ITGA9: variants seen among roughly 807,000 people sequenced by gnomAD.
ITGA9 encodes the protein integrin subunit alpha 9.
Under a neutral mutation model 127.8 loss-of-function variants are expected in ITGA9, and 56 were observed. The ratio of observed to expected loss-of-function variants is 0.44; its 90% CI spans 0.35 to 0.55. The LOEUF is 0.55. ITGA9 is among the 20% of genes least tolerant of loss of function. ITGA9 has a pLI of 0.00. For synonymous variants in ITGA9, 508 were observed against 514.5 expected (o/e 0.99, Z 0.17); for missense variants, 1,196 against 1,347.1 (o/e 0.89, Z 1.76).
chr3:37,706,798 C>T lies in ITGA9; in HGVS notation c.2067+22783C>T, dbSNP rs578170086. 2.0e-5 allele frequency among the ~76,000 whole-genome samples: 3 copies of T among 152,224 alleles called. No individual in the cohort carries two copies. The South Asian group carries it at 6.2e-4, about 32-fold the overall frequency. On this transcript the variant is annotated intron_variant, in intron 18 of 27. Transcript: ENST00000264741. Reference sequence around the variant, plus strand: ...CTGACCCTGATCTCGGAACAGGATCCCAGAACAGTTCAACCTGTAATTGCT... The same window carrying T: ...CTGACCCTGATCTCGGAACAGGATCTCAGAACAGTTCAACCTGTAATTGCT...
chr3:37,541,169 C>T (rs1042813838), intron 14 of ITGA9, among the ~76,000 whole-genome samples: 8 of 152,196 alleles, frequency 5.3e-5, no homozygotes, highest in Non-Finnish European at 8.8e-5. Context: ...ACTTAAATGC[C>T]AGTGGGCTCG....
chr3:37,627,144 T>C (rs1700183358), intron 15 of ITGA9, among the ~76,000 whole-genome samples: 1 of 152,168 alleles, frequency 6.6e-6, no homozygotes, highest in South Asian at 2.1e-4. Flanking sequence ...AAGGCTCCCC[T>C]ATCACTCTCT....
intron 14 of ITGA9, among the ~76,000 whole-genome samples, chr3:37,534,947 G>A (rs929148702): frequency 4.7e-4 from 71 of 152,328 alleles, no homozygotes; most frequent in Admixed American, 3.6e-3. Flanking sequence ...TCTGGGACTC[G>A]TGTGTCCTCC....
intron 5 of ITGA9, among the ~76,000 whole-genome samples, chr3:37,495,612 T>C (rs750121675): frequency 7.9e-5 from 12 of 152,200 alleles, no homozygotes; most frequent in Non-Finnish European, 1.8e-4. Context: ...ATTATCACCA[T>C]CATGCTTCTA....
chr3:37,746,178 A>G (rs925688819), intron 22 of ITGA9, among the ~76,000 whole-genome samples: 2 of 152,244 alleles, frequency 1.3e-5, no homozygotes, highest in Non-Finnish European at 2.9e-5. Context: ...AAATGTTTCT[A>G]TATTTCCTTA....
intron 15 of ITGA9, among the ~76,000 whole-genome samples, chr3:37,578,091 A>G (rs183161271): frequency 6.6e-6 from 1 of 152,220 alleles, no homozygotes; most frequent in African/African-American, 2.4e-5. Context: ...TTTTAGTTCT[A>G]GAAAGAATTG....
intron 1 of ITGA9, among the ~76,000 whole-genome samples, chr3:37,467,468 G>A (rs144838146): frequency 2.0e-3 from 301 of 152,268 alleles, no homozygotes; most frequent in African/African-American, 7.0e-3. Flanking sequence ...CTGGGAATAA[G>A]CTCTCCAGGG....
At chr3:37,525,993 AGTTTCT>A (rs1197271707) in intron 12 of ITGA9, 27 bp from the exon 13 acceptor site, 1 of 1,608,420 alleles carries the variant, frequency 6.2e-7, no homozygotes, top group Non-Finnish European at 8.5e-7. Flanking sequence ...GGCTTCAGCA[AGTTTCT>A]GAACGCTGTA....
At chr3:37,697,841 T>G (rs1700901882) in intron 18 of ITGA9, among the ~76,000 whole-genome samples, 1 of 152,244 alleles carries the variant, frequency 6.6e-6, no homozygotes, top group Admixed American at 6.5e-5. Flanking sequence ...ATCCTTTGGG[T>G]ATACACCCAA....
chr3:37,467,075 C>G (rs998625799), intron 1 of ITGA9, among the ~76,000 whole-genome samples: 2 of 152,156 alleles, frequency 1.3e-5, no homozygotes, highest in Non-Finnish European at 2.9e-5. Context: ...CATGGGCTGG[C>G]CTGCGGTAGT....
intron 18 of ITGA9, among the ~76,000 whole-genome samples, chr3:37,714,451 G>A (rs1240086442): frequency 6.6e-6 from 1 of 152,152 alleles, no homozygotes; most frequent in East Asian, 1.9e-4. Flanking sequence ...CACAGGTCAG[G>A]GGCAACGGGC....
intron 23 of ITGA9, among the ~76,000 whole-genome samples, chr3:37,761,656 A>G (rs568165603): frequency 3.3e-5 from 5 of 152,226 alleles, no homozygotes; most frequent in Non-Finnish European, 7.3e-5. Context: ...GGGAAGGCCA[A>G]GGTAAATTGG....
chr3:37,779,001 G>C (rs965131537), intron 24 of ITGA9, among the ~76,000 whole-genome samples: 1 of 151,064 alleles, frequency 6.6e-6, no homozygotes, highest in Non-Finnish European at 1.5e-5. Flanking sequence ...AAATTTTGCC[G>C]TATAGATGAA....
At position 37,635,930 on chromosome 3, in the gene ITGA9, T is replaced by C. The variant is rs376722453; in HGVS notation, c.1839+6594T>C. On this transcript the variant is annotated intron_variant, in intron 16 of 27. Coordinates refer to ENST00000264741, the MANE Select transcript of ITGA9 (RefSeq NM_002207.3). Reference sequence around the variant, plus strand: ...GTTTGCTGAGAATGATGGTTTCCAGTTTCATCCATGTCCCTACAAAGGACA... The same window carrying C: ...GTTTGCTGAGAATGATGGTTTCCAGCTTCATCCATGTCCCTACAAAGGACA... Among the ~76,000 whole-genome samples, 208 of 150,610 alleles carry C rather than the reference T, an allele frequency of 1.4e-3. 1 individual carries two copies. The highest frequency in any genetic ancestry group is 4.9e-3 in the African/African-American group (197 of 40,022).
At chr3:37,534,454 A>G (rs78565253) in intron 14 of ITGA9, among the ~76,000 whole-genome samples, 4,881 of 152,338 alleles carry the variant, frequency 0.032, 113 homozygotes, top group Non-Finnish European at 0.05. Flanking sequence ...ATTCCTGTGC[A>G]CATTTAAGTT....
chr3:37,768,788 G>GTT (rs577459133), intron 23 of ITGA9, among the ~76,000 whole-genome samples: 4 of 144,146 alleles, frequency 2.8e-5, no homozygotes, highest in East Asian at 2.0e-4. Flanking sequence ...TACCTTTTAG[G>GTT]TTTTTTTTTT....
chr3:37,686,752 G>A (rs1449769398), intron 18 of ITGA9, among the ~76,000 whole-genome samples: 1 of 152,182 alleles, frequency 6.6e-6, no homozygotes, highest in African/African-American at 2.4e-5. Flanking sequence ...GTGGAGGCAG[G>A]GCCAGCCAGA....
intron 17 of ITGA9, among the ~76,000 whole-genome samples, chr3:37,681,060 G>A (rs34214258): frequency 0.2 from 30,844 of 152,062 alleles, 3,628 homozygotes; most frequent in Admixed American, 0.3. Flanking sequence ...CTCTCTTCAC[G>A]GATGGGTAAT....
intron 18 of ITGA9, among the ~76,000 whole-genome samples, chr3:37,687,460 G>A (rs1575192969): frequency 6.6e-6 from 1 of 152,148 alleles, no homozygotes; most frequent in African/African-American, 2.4e-5. Context: ...AGAATAATTG[G>A]AACAGAAGCC....
Sources: allele counts gnomAD v4.1 joint callset (sites outside exome capture counted in the v4.1 genomes callset), GRCh38; gene constraint gnomAD v4.1.1; transcripts MANE v1.5; gene names NCBI Gene and HGNC (gene_info 2026-07-23, HGNC 2026-07-21).